Variants in HDAC4 observed in about 807,000 individuals in gnomAD.
The protein encoded by HDAC4 is histone deacetylase 4.
Under a neutral mutation model 135.1 loss-of-function variants are expected in HDAC4, and 16 were observed. That is an observed-to-expected ratio of 0.12 (90% CI 0.08 to 0.18). The LOEUF (loss-of-function observed/expected upper bound fraction) is 0.18, where lower values mean the gene tolerates loss of function less well. Among genes scored for constraint, HDAC4 ranks in the 10% least tolerant of loss-of-function variants. HDAC4 has a pLI of 1.00. For missense variants in HDAC4, 1,143 were observed against 1,511.8 expected (o/e 0.76, Z 4.05); for synonymous variants, 685 against 653.4 (o/e 1.05, Z -0.74).
intron 2 of HDAC4, among the ~76,000 whole-genome samples, chr2:239,268,119 T>A (rs529426534): frequency 2.0e-5 from 3 of 152,390 alleles, no homozygotes; most frequent in African/African-American, 7.2e-5. Context: ...TAATTTTTTT[T>A]ATTTGCTCAA....
At chr2:239,338,616 A>G (rs1198591219) in intron 2 of HDAC4, among the ~76,000 whole-genome samples, 1 of 152,244 alleles carries the variant, frequency 6.6e-6, no homozygotes, top group African/African-American at 2.4e-5. Context: ...ATAAAATAGG[A>G]AAAAATAAAT....
intron 24 of HDAC4, among the ~76,000 whole-genome samples, chr2:239,061,428 C>G (rs1427278566): frequency 6.7e-6 from 1 of 148,210 alleles, no homozygotes; most frequent in Non-Finnish European, 1.5e-5. Flanking sequence ...GTGGTGTGTG[C>G]ACGTGTGACT....
In HDAC4 at chr2:239,381,259, T is replaced by C. The variant is rs1011363211; in HGVS notation, c.-220+19719A>G. ...GCTTCGTTTTAGCATATTCTAAAAA[T>C]GCAATTTACAATTCAGCAATATCCT... On this transcript the variant is annotated intron_variant, in intron 1 of 26. Transcript: ENST00000543185. Among the ~76,000 whole-genome samples the C allele has an allele frequency of 2.0e-5, 3 of 152,206 alleles. No homozygotes were observed. In the South Asian group the frequency reaches 6.2e-4, roughly 31 times the overall value.
chr2:239,108,218 A>G (rs2038333025), intron 14 of HDAC4, 35 bp from the exon 15 acceptor site: 2 of 1,575,138 alleles, frequency 1.3e-6, no homozygotes, highest in Non-Finnish European at 1.7e-6. Flanking sequence ...ATCAGCGCAC[A>G]TCCAGGGGCG....
intron 2 of HDAC4, among the ~76,000 whole-genome samples, chr2:239,291,284 G>A (rs958343547): frequency 1.3e-5 from 2 of 152,214 alleles, no homozygotes; most frequent in Non-Finnish European, 2.9e-5. Context: ...GGGCTGGCCC[G>A]GGCTGGCCAG....
At chr2:239,364,434 G>A (rs1016325224) in intron 1 of HDAC4, among the ~76,000 whole-genome samples, 3 of 152,156 alleles carry the variant, frequency 2.0e-5, no homozygotes, top group Admixed American at 6.5e-5. Flanking sequence ...ACACAGCAGC[G>A]CCTACTGTAG....
intron 2 of HDAC4, among the ~76,000 whole-genome samples, chr2:239,290,238 T>C (rs996724380): frequency 6.6e-6 from 1 of 152,234 alleles, no homozygotes; most frequent in Non-Finnish European, 1.5e-5. Flanking sequence ...CAGACTTTAC[T>C]CTTACCTAGT....
chr2:239,212,254 T>TAAG (rs1258991775), intron 3 of HDAC4, among the ~76,000 whole-genome samples: 2 of 152,182 alleles, frequency 1.3e-5, no homozygotes, highest in African/African-American at 2.4e-5. Flanking sequence ...AAAGGGTCTT[T>TAAG]CTACCCACGG....
chr2:239,150,320 C>T (rs56846250), intron 7 of HDAC4, among the ~76,000 whole-genome samples: 8,946 of 151,658 alleles, frequency 0.059, 833 homozygotes, highest in African/African-American at 0.21. Flanking sequence ...CACAGATACA[C>T]AGAAACACAG....
intron 11 of HDAC4, among the ~76,000 whole-genome samples, chr2:239,133,919 C>T (rs1452864735): frequency 6.6e-6 from 1 of 152,234 alleles, no homozygotes; most frequent in Non-Finnish European, 1.5e-5. Flanking sequence ...CACAAACTGA[C>T]CACAAGAGTC....
At chr2:239,336,311 T>C (rs1026925921) in intron 2 of HDAC4, among the ~76,000 whole-genome samples, 1 of 152,202 alleles carries the variant, frequency 6.6e-6, no homozygotes, top group Non-Finnish European at 1.5e-5. Context: ...CATCTTCCTT[T>C]TGGGAGAGTT....
intron 6 of HDAC4, among the ~76,000 whole-genome samples, chr2:239,157,166 T>C (rs1383648092): frequency 6.6e-6 from 1 of 152,242 alleles, no homozygotes; most frequent in African/African-American, 2.4e-5. Context: ...AACAGTAGGC[T>C]GCTGCATAAG....
At chr2:239,362,113 A>G (rs1693906885) in intron 1 of HDAC4, among the ~76,000 whole-genome samples, 2 of 152,236 alleles carry the variant, frequency 1.3e-5, no homozygotes, top group Non-Finnish European at 2.9e-5. Context: ...ATGCACTAGA[A>G]GTCCACACTG....
intron 18 of HDAC4, among the ~76,000 whole-genome samples, chr2:239,088,915 A>G (rs1405620000): frequency 6.6e-6 from 1 of 152,228 alleles, no homozygotes; most frequent in East Asian, 1.9e-4. Context: ...ATGGGTCAGA[A>G]TATGGAAGAT....
At chr2:239,204,866 A>T (rs1391892925) in intron 3 of HDAC4, among the ~76,000 whole-genome samples, 3 of 152,158 alleles carry the variant, frequency 2.0e-5, no homozygotes, top group Non-Finnish European at 2.9e-5. Flanking sequence ...TCAGACACCA[A>T]AGCCTCTTAG....
chr2:239,266,387 C>T (rs1167831352), intron 2 of HDAC4, among the ~76,000 whole-genome samples: 10 of 152,204 alleles, frequency 6.6e-5, no homozygotes, highest in African/African-American at 1.9e-4. Context: ...CCATGACCTC[C>T]GCACAGCCAT....
At chr2:239,345,804 C>T (rs1032579165) in intron 2 of HDAC4, among the ~76,000 whole-genome samples, 2 of 146,552 alleles carry the variant, frequency 1.4e-5, no homozygotes, top group East Asian at 4.3e-4. Flanking sequence ...CACCCTAACA[C>T]ACATACACAT....
At chr2:239,166,119 TGTTA>T (rs2043108548) in intron 5 of HDAC4, among the ~76,000 whole-genome samples, 3 of 152,330 alleles carry the variant, frequency 2.0e-5, no homozygotes, top group Admixed American at 2.0e-4. Context: ...ATGGAGTTTT[TGTTA>T]GTTAGGCTCA....
At chr2:239,393,644 C>G in intron 1 of HDAC4, among the ~76,000 whole-genome samples, 1 of 138,206 alleles carries the variant, frequency 7.2e-6, no homozygotes, top group Non-Finnish European at 1.6e-5. Context: ...CTGGGCCTGG[C>G]TCCTGCACCA....
Sources: gnomAD v4.1 joint callset for allele counts (sites outside exome capture counted in the v4.1 genomes callset) on GRCh38, gnomAD v4.1.1 for gene constraint, MANE v1.5 for transcripts, NCBI Gene and HGNC (gene_info 2026-07-23, HGNC 2026-07-21) for gene names.